Variants in ELMO1 observed in about 807,000 individuals in gnomAD.
The protein encoded by ELMO1 is engulfment and cell motility 1.
In ELMO1, 26 loss-of-function variants were observed where a neutral mutation model predicts 98.9. The ratio of observed to expected loss-of-function variants is 0.26; its 90% CI spans 0.19 to 0.36. The LOEUF (loss-of-function observed/expected upper bound fraction) is 0.36, where lower values mean the gene tolerates loss of function less well. ELMO1 is among the 10% of genes least tolerant of loss of function. The pLI, the probability that ELMO1 is intolerant of heterozygous loss-of-function variation, is 1.00. For synonymous variants in ELMO1, 346 were observed against 346.0 expected, an observed-to-expected ratio of 1.00 and a Z score of 0.00; for missense variants, 627 against 935.2, an observed-to-expected ratio of 0.67 and a Z score of 4.30.
At chr7:37,099,997 C>T (rs966761560) in intron 14 of ELMO1, among the ~76,000 whole-genome samples, 28 of 152,122 alleles carry the variant, frequency 1.8e-4, no homozygotes, top group African/African-American at 6.8e-4. Flanking sequence ...CCACACCCAA[C>T]TAATTTTTGT....
chr7:37,377,922 T>TAGCACTCATCAAAGAGTACTTC (rs1802419917), intron 1 of ELMO1, among the ~76,000 whole-genome samples: 1 of 152,238 alleles, frequency 6.6e-6, no homozygotes, highest in Non-Finnish European at 1.5e-5. Flanking sequence ...CCTGTCTGTG[T>TAGCACTCATCAAAGAGTACTTC]AGCACTCATC....
intron 15 of ELMO1, among the ~76,000 whole-genome samples, chr7:37,036,673 C>T (rs1196971631): frequency 1.3e-5 from 2 of 152,108 alleles, no homozygotes; most frequent in African/African-American, 4.8e-5. Flanking sequence ...GCCACCATGC[C>T]CGGCCTAGGA....
chr7:37,424,404 C>G (rs529497753), intron 1 of ELMO1, among the ~76,000 whole-genome samples: 1 of 152,104 alleles, frequency 6.6e-6, no homozygotes, highest in African/African-American at 2.4e-5. Flanking sequence ...ATTCAGTATC[C>G]CACAGTAGGC....
At chr7:37,034,200 T>A (rs1326796495) in intron 15 of ELMO1, among the ~76,000 whole-genome samples, 1 of 151,666 alleles carries the variant, frequency 6.6e-6, no homozygotes, top group Non-Finnish European at 1.5e-5. Flanking sequence ...CTCTAAAGAG[T>A]GAAGTTAAAA....
intron 16 of ELMO1, among the ~76,000 whole-genome samples, chr7:37,004,347 G>C (rs1341449401): frequency 6.6e-6 from 1 of 152,146 alleles, no homozygotes; most frequent in Non-Finnish European, 1.5e-5. Context: ...CCAATGTATA[G>C]TTAATAAAAT....
chr7:37,184,933 T>C (rs968662249), intron 13 of ELMO1, among the ~76,000 whole-genome samples: 2 of 152,160 alleles, frequency 1.3e-5, no homozygotes, highest in Admixed American at 6.5e-5. Flanking sequence ...AATTACTTCA[T>C]TGCTATCCTT....
rs754527922 is a variant in ELMO1, at chr7:36,878,077, G to C, written c.1755C>G (p.Val585=). The C allele has an allele frequency of 1.2e-6, 2 of 1,614,084 alleles. No homozygotes were observed. The highest frequency in any genetic ancestry group is 2.2e-5 in the East Asian group (1 of 44,864). Residue 585 remains valine (V), a synonymous_variant, in exon 19 of 22, where the codon GTC becomes GTG. Transcript: ENST00000310758. ...WYCRLSPNHK[V]LHYGDLEESP... ...TCTCTTCTAAGTCTCCGTAATGCAG[G>C]ACTTTGTGATTTGGCGAAAGCCGAC...
intron 16 of ELMO1, among the ~76,000 whole-genome samples, chr7:37,001,474 G>A (rs1044603148): frequency 6.6e-6 from 1 of 152,162 alleles, no homozygotes; most frequent in Non-Finnish European, 1.5e-5. Flanking sequence ...TGCTTCCAAT[G>A]ATATATTGAA....
chr7:37,124,006 C>T (rs1413654353), intron 14 of ELMO1, among the ~76,000 whole-genome samples: 5 of 152,242 alleles, frequency 3.3e-5, no homozygotes, highest in Admixed American at 1.3e-4. Flanking sequence ...TAAACATAAT[C>T]CAGCATACAA....
At chr7:37,404,258 T>C (rs1803656803) in intron 1 of ELMO1, among the ~76,000 whole-genome samples, 1 of 152,060 alleles carries the variant, frequency 6.6e-6, no homozygotes, top group Admixed American at 6.5e-5. Context: ...CCAAGACCCA[T>C]CTCTGAATGT....
intron 1 of ELMO1, among the ~76,000 whole-genome samples, chr7:37,400,972 C>G (rs928361692): frequency 2.6e-5 from 4 of 152,108 alleles, no homozygotes; most frequent in Non-Finnish European, 5.9e-5. Context: ...CATCTTGGTC[C>G]AAAAGTTTGA....
At chr7:37,156,129 G>T (rs2129324185) in intron 13 of ELMO1, among the ~76,000 whole-genome samples, 1 of 152,262 alleles carries the variant, frequency 6.6e-6, no homozygotes, top group Admixed American at 6.5e-5. Flanking sequence ...AAACCAGTGA[G>T]AACAAAGACA....
chr7:37,256,586 G>A (rs1355621675), intron 6 of ELMO1, among the ~76,000 whole-genome samples: 1 of 138,204 alleles, frequency 7.2e-6, no homozygotes, highest in Non-Finnish European at 1.6e-5. Flanking sequence ...AAAGGAGGGA[G>A]GGAGGGAAAA....
At chr7:37,170,777 T>C (rs1470777849) in intron 13 of ELMO1, among the ~76,000 whole-genome samples, 1 of 152,088 alleles carries the variant, frequency 6.6e-6, no homozygotes, top group Non-Finnish European at 1.5e-5. Context: ...GGGCTAATTT[T>C]TATATTTTTA....
chr7:37,161,820 G>A (rs1322360305), intron 13 of ELMO1, among the ~76,000 whole-genome samples: 1 of 145,350 alleles, frequency 6.9e-6, no homozygotes, highest in South Asian at 2.2e-4. Flanking sequence ...AAATACACAG[G>A]AAACTTCTAC....
chr7:37,335,564 T>C (rs1800356480), intron 2 of ELMO1, among the ~76,000 whole-genome samples: 1 of 152,158 alleles, frequency 6.6e-6, no homozygotes, highest in Non-Finnish European at 1.5e-5. Context: ...TGTCTATTTT[T>C]TTAAACTGAT....
At chr7:37,429,649 G>A (rs1043230667) in intron 1 of ELMO1, 1 of 152,396 alleles carries the variant, frequency 6.6e-6, no homozygotes, top group Non-Finnish European at 1.5e-5. Flanking sequence ...GGGGAGATGG[G>A]AGAGTGAATG....
At chr7:37,391,006 C>CCATT (rs1554304301) in intron 1 of ELMO1, among the ~76,000 whole-genome samples, 6 of 130,068 alleles carry the variant, frequency 4.6e-5, no homozygotes, top group Admixed American at 4.5e-4. Context: ...GGAAAGTAGT[C>CCATT]CCTTCCTTCC....
chr7:37,086,782 CT>C (rs1293775904), intron 15 of ELMO1, among the ~76,000 whole-genome samples: 1 of 120,908 alleles, frequency 8.3e-6, no homozygotes, highest in Non-Finnish European at 1.8e-5. Context: ...TTTGAACTTT[CT>C]TGCCAAAAAA....
Sources: gnomAD v4.1 joint callset for allele counts (sites outside exome capture counted in the v4.1 genomes callset) on GRCh38, gnomAD v4.1.1 for gene constraint, MANE v1.5 for transcripts, NCBI Gene and HGNC (gene_info 2026-07-23, HGNC 2026-07-21) for gene names.